GALNT13: variants seen among roughly 807,000 people sequenced by gnomAD.
GALNT13 encodes the protein polypeptide N-acetylgalactosaminyltransferase 13.
A neutral mutation model predicts 64.2 loss-of-function variants in GALNT13; 28 were observed. The observed-to-expected ratio is 0.44, with a 90% CI of 0.32 to 0.60. GALNT13 has a LOEUF of 0.60. Among genes scored for constraint, GALNT13 ranks in the 20% least tolerant of loss-of-function variants. The pLI is 0.05. For missense variants in GALNT13, 577 were observed against 669.8 expected, an observed-to-expected ratio of 0.86 and a Z score of 1.53; for synonymous variants, 214 against 224.6, an observed-to-expected ratio of 0.95 and a Z score of 0.42.
At chr2:153,416,504 G>GT in the GALNT13 span, among the ~76,000 whole-genome samples, 6 of 152,074 alleles carry the variant, frequency 3.9e-5, no homozygotes, top group South Asian at 1.2e-3. Context: ...CATTTGCATG[G>GT]TTTTTATAGT....
chr2:153,400,000 GC>G, the GALNT13 span, among the ~76,000 whole-genome samples: 3 of 151,722 alleles, frequency 2.0e-5, no homozygotes, highest in Non-Finnish European at 2.9e-5. Flanking sequence ...CCTGTCTTGT[GC>G]CAGTTTTCAA....
At chr2:153,700,823 C>CAG in the GALNT13 span, among the ~76,000 whole-genome samples, 1 of 152,122 alleles carries the variant, frequency 6.6e-6, no homozygotes, top group Non-Finnish European at 1.5e-5. Flanking sequence ...CTACAAACCA[C>CAG]TGCTCAAGGA....
chr2:153,770,169 C>T, the GALNT13 span, among the ~76,000 whole-genome samples: 7 of 130,272 alleles, frequency 5.4e-5, no homozygotes, highest in Non-Finnish European at 8.0e-5. Context: ...CCCACCCCCC[C>T]GCCCCCCCAC....
the GALNT13 span, among the ~76,000 whole-genome samples, chr2:153,098,996 G>A: frequency 6.6e-6 from 1 of 152,016 alleles, no homozygotes; most frequent in African/African-American, 2.4e-5. Context: ...AATATGAGTA[G>A]CTGTAGTTCG....
At chr2:153,912,724 A>G (rs1280650169) in intron 2 of GALNT13, among the ~76,000 whole-genome samples, 4 of 151,606 alleles carry the variant, frequency 2.6e-5, no homozygotes, top group African/African-American at 9.7e-5. Flanking sequence ...ATTCTGGGTG[A>G]CTCTTATTGG....
chr2:154,228,682 T>C (rs2105840585), intron 4 of GALNT13, among the ~76,000 whole-genome samples: 1 of 152,184 alleles, frequency 6.6e-6, no homozygotes, highest in Admixed American at 6.6e-5. Flanking sequence ...AACTAGGGGT[T>C]TTTATAGAAG....
chr2:154,064,268 T>C (rs147944448), intron 3 of GALNT13, among the ~76,000 whole-genome samples: 1 of 152,254 alleles, frequency 6.6e-6, no homozygotes, highest in Non-Finnish European at 1.5e-5. Flanking sequence ...TCTAAGGTGC[T>C]CTTGAGTCCT....
the GALNT13 span, among the ~76,000 whole-genome samples, chr2:153,487,207 T>C: frequency 1.3e-5 from 2 of 152,214 alleles, no homozygotes; most frequent in Admixed American, 1.3e-4. Flanking sequence ...AGAGAAACAA[T>C]GTAGGTCACC....
In GALNT13 at chr2:154,408,971, G is replaced by T; in HGVS notation, c.1297-13G>T. The T allele has an allele frequency of 6.5e-7, 1 of 1,538,954 alleles. No individual in the cohort carries two copies. Among genetic ancestry groups the T allele is most frequent in the Non-Finnish European group, 9.0e-7 (1 of 1,114,218 alleles). Reference sequence around the variant, plus strand: ...TTATGTTTTATCCCCCCCCTTTTGTGTGTTTCCTTTAGATAAGAAATGTTG... The same window carrying T: ...TTATGTTTTATCCCCCCCCTTTTGTTTGTTTCCTTTAGATAAGAAATGTTG... On this transcript the variant is annotated splice_polypyrimidine_tract_variant and intron_variant, in intron 10 of 12. Transcript: ENST00000392825.
At chr2:154,170,468 A>C (rs2105698453) in intron 4 of GALNT13, among the ~76,000 whole-genome samples, 1 of 152,200 alleles carries the variant, frequency 6.6e-6, no homozygotes, top group East Asian at 1.9e-4. Flanking sequence ...CATATATATG[A>C]TTGACTCAGG....
chr2:153,495,678 G>C, the GALNT13 span, among the ~76,000 whole-genome samples: 1 of 152,150 alleles, frequency 6.6e-6, no homozygotes, highest in Admixed American at 6.5e-5. Context: ...TTGTTTTGTA[G>C]ATATAAAATT....
chr2:153,152,879 G>A, the GALNT13 span, among the ~76,000 whole-genome samples: 2 of 152,246 alleles, frequency 1.3e-5, no homozygotes, highest in East Asian at 3.9e-4. Context: ...ACACGTGCAT[G>A]TGTCTTTATA....
the GALNT13 span, among the ~76,000 whole-genome samples, chr2:153,712,043 G>T: frequency 6.6e-6 from 1 of 152,040 alleles, no homozygotes; most frequent in African/African-American, 2.4e-5. Context: ...AATTGGTTTG[G>T]GTTTGTGATC....
chr2:153,633,237 A>C, the GALNT13 span, among the ~76,000 whole-genome samples: 1 of 152,118 alleles, frequency 6.6e-6, no homozygotes, highest in African/African-American at 2.4e-5. Flanking sequence ...AATATAATCT[A>C]TGTTTCCCCT....
intron 4 of GALNT13, among the ~76,000 whole-genome samples, chr2:154,239,284 A>G (rs1157980416): frequency 6.6e-6 from 1 of 152,148 alleles, no homozygotes; most frequent in African/African-American, 2.4e-5. Flanking sequence ...CGTGTAACAT[A>G]CAAAAAATGT....
intron 3 of GALNT13, among the ~76,000 whole-genome samples, chr2:153,996,768 C>T (rs376435810): frequency 6.6e-6 from 1 of 151,964 alleles, no homozygotes; most frequent in African/African-American, 2.4e-5. Flanking sequence ...GAAGTGTTTC[C>T]CCTATGCTTT....
At chr2:153,527,371 G>T in the GALNT13 span, among the ~76,000 whole-genome samples, 1 of 152,172 alleles carries the variant, frequency 6.6e-6, no homozygotes, top group Admixed American at 6.6e-5. Context: ...TTACAGGCCA[G>T]TTGAGAGTGG....
chr2:154,272,928 A>G (rs1691433711), intron 8 of GALNT13, among the ~76,000 whole-genome samples: 1 of 152,182 alleles, frequency 6.6e-6, no homozygotes, highest in African/African-American at 2.4e-5. Flanking sequence ...AAGCATTTAT[A>G]CAGATTGGGT....
chr2:153,230,488 A>T, the GALNT13 span, among the ~76,000 whole-genome samples: 2 of 152,286 alleles, frequency 1.3e-5, no homozygotes, highest in East Asian at 3.9e-4. Flanking sequence ...TAATGGCATG[A>T]AGCCACAATT....
Sources: allele counts gnomAD v4.1 joint callset (sites outside exome capture counted in the v4.1 genomes callset), GRCh38; gene constraint gnomAD v4.1.1; transcripts MANE v1.5; gene names NCBI Gene and HGNC (gene_info 2026-07-23, HGNC 2026-07-21).